The following KDM1B variants were observed in gnomAD, a reference collection of about 807,000 sequenced individuals.
KDM1B encodes the protein lysine-specific histone demethylase 2.
In KDM1B, 63 loss-of-function variants were observed where a neutral mutation model predicts 107.4. That is an observed-to-expected ratio of 0.59 (90% confidence interval 0.48 to 0.72). The LOEUF (loss-of-function observed/expected upper bound fraction) is 0.72, where lower values mean the gene tolerates loss of function less well. Ranked by LOEUF, KDM1B falls within the 30% of genes least tolerant of loss-of-function variation. The pLI, the probability that KDM1B is intolerant of heterozygous loss-of-function variation, is 0.00. For synonymous variants in KDM1B, 363 were observed against 363.9 expected (o/e 1.00, Z 0.03); for missense variants, 749 against 1,020.8 (o/e 0.73, Z 3.63).
At position 18,219,937 on chromosome 6, in the gene KDM1B, A is replaced by G. The variant is rs1582229112; in HGVS notation, c.2386-1972A>G. 2.0e-5 allele frequency among the ~76,000 whole-genome samples: 3 copies of G among 152,332 alleles called. No individual in the cohort carries two copies. The East Asian group carries it at 5.8e-4, about 29-fold the overall frequency. On this transcript the variant is annotated intron_variant, in intron 21 of 21. Transcript: ENST00000650836. ...TGCTTCGCCCTGATCTCTAAGTCAC[A>G]TCTCTGAGGAGTTGCAGCCGGTCAA...
In KDM1B at chr6:18,191,392, G is replaced by C. The variant is rs1394125631; in HGVS notation, c.969+11G>C. The stretch of plus-strand genomic sequence containing the variant: ...TATACTAACTGCAAAGTAAGTAAGG[G>C]CATGTTAGCCAATAGCACTGGACAG... On this transcript the variant is annotated intron_variant, in intron 10 of 21. Coordinates refer to ENST00000650836, the MANE Select transcript of KDM1B (RefSeq NM_001364614.2). The surrounding 1 kb of genome is among the most constrained non-coding windows in gnomAD (Gnocchi z 5.1). 6.5e-7 allele frequency: 1 copy of C among 1,549,396 alleles called. No individual in the cohort carries two copies. The highest frequency in any genetic ancestry group is 1.4e-5 in the African/African-American group (1 of 72,986).
At chr6:18,196,562 G>A (rs1263432044) in intron 10 of KDM1B, among the ~76,000 whole-genome samples, 1 of 152,086 alleles carries the variant, frequency 6.6e-6, no homozygotes, top group Admixed American at 6.6e-5. Flanking sequence ...TTTCCTTGAT[G>A]ATTAGTGATG....
At chr6:18,177,488 C>T (rs1028900756) in intron 7 of KDM1B, among the ~76,000 whole-genome samples, 1 of 150,620 alleles carries the variant, frequency 6.6e-6, no homozygotes, top group Non-Finnish European at 1.5e-5. Context: ...TATTTCCTTT[C>T]TTCTGCTGGG....
chr6:18,197,103 G>A lies in KDM1B; in HGVS notation c.1016G>A (p.Gly339Asp). Reference sequence around the variant, plus strand: ...TGTATTCCTCACATCATCGTCCGGGGTCTCGTGCGTATTCGATGCGTTCAG... The same window carrying A: ...TGTATTCCTCACATCATCGTCCGGGATCTCGTGCGTATTCGATGCGTTCAG... ...QKCIPHIIVR[G>D]LVRIRCVQEV... The change falls in exon 11 of 22, where the codon GGT (glycine) becomes GAT (aspartate). Residue 339 changes from glycine (G) to aspartate (D), a missense_variant. Transcript: ENST00000650836. The surrounding 1 kb of genome is among the most constrained non-coding windows in gnomAD (Gnocchi z 4.5). The A allele has an allele frequency of 6.2e-7, 1 of 1,613,966 alleles. No individual in the cohort carries two copies. Among genetic ancestry groups the A allele is most frequent in the Non-Finnish European group, 8.5e-7 (1 of 1,179,926 alleles).
At chr6:18,171,023 T>C (rs1456225507) in intron 6 of KDM1B, among the ~76,000 whole-genome samples, 6 of 152,022 alleles carry the variant, frequency 3.9e-5, no homozygotes, top group Admixed American at 3.9e-4. Flanking sequence ...GGTTTCACCG[T>C]GTTAGCCAGG....
intron 7 of KDM1B, among the ~76,000 whole-genome samples, chr6:18,177,981 A>G (rs73381316): frequency 0.019 from 2,956 of 152,206 alleles, 92 homozygotes; most frequent in African/African-American, 0.067. Context: ...GTCTCCCAAC[A>G]GTGTTTTCTA....
intron 10 of KDM1B, among the ~76,000 whole-genome samples, chr6:18,192,418 T>C (rs1421030784): frequency 6.6e-6 from 1 of 152,226 alleles, no homozygotes; most frequent in African/African-American, 2.4e-5. Context: ...GGCATTTCAC[T>C]GGATTAGAAT....
intron 9 of KDM1B, among the ~76,000 whole-genome samples, chr6:18,188,785 T>TA (rs972540636): frequency 4.0e-5 from 6 of 150,826 alleles, no homozygotes; most frequent in Non-Finnish European, 8.9e-5. Flanking sequence ...GGTTAATTTT[T>TA]TTTTTTTTTT....
chr6:18,177,721 T>C (rs1786119503), intron 7 of KDM1B, among the ~76,000 whole-genome samples: 1 of 151,982 alleles, frequency 6.6e-6, no homozygotes, highest in Non-Finnish European at 1.5e-5. Context: ...ACACCTGTTT[T>C]GTAAATATGG....
intron 5 of KDM1B, among the ~76,000 whole-genome samples, chr6:18,163,961 A>G (rs1039639624): frequency 6.4e-4 from 1 of 1,560 alleles, no homozygotes; most frequent in Non-Finnish European, 1.4e-3. Context: ...CAGGTCATAT[A>G]TATATATATA....
intron 7 of KDM1B, among the ~76,000 whole-genome samples, chr6:18,180,520 AT>A (rs1310191762): frequency 1.3e-5 from 2 of 152,180 alleles, no homozygotes; most frequent in Non-Finnish European, 2.9e-5. Flanking sequence ...ATTTTGGATG[AT>A]TTGTGTAATA....
chr6:18,208,309 G>T, intron 17 of KDM1B, 103 bp downstream of exon 17: 1 of 789,278 alleles, frequency 1.3e-6, no homozygotes, highest in Non-Finnish European at 2.1e-6. Context: ...TTGGGAATCT[G>T]CCTGGACCCT....
rs952201171 is a variant in KDM1B, at chr6:18,172,498, G to A, written c.534+1019G>A. On this transcript the variant is annotated intron_variant, in intron 7 of 21. Coordinates refer to ENST00000650836, the MANE Select transcript of KDM1B (RefSeq NM_001364614.2). This position sits in a 1 kb window ranked among gnomAD's most constrained non-coding sequence, Gnocchi z 5.2. ...TTTTTGAGCTCTGAGATGATGCTCA[G>A]AGGTTCTGCTCAAAGGAAATGTTCA... Among the ~76,000 whole-genome samples, 2 of 152,146 alleles carry A rather than the reference G, an allele frequency of 1.3e-5. No homozygotes were observed. Among genetic ancestry groups the A allele is most frequent in the African/African-American group, 4.8e-5 (2 of 41,434 alleles).
chr6:18,215,166 C>T (rs368248801), intron 20 of KDM1B, 37 bp downstream of exon 20: 56 of 1,596,962 alleles, frequency 3.5e-5, no homozygotes, highest in African/African-American at 1.1e-4. Context: ...AGGGGCAAGC[C>T]GTGCTTGCTA....
intron 16 of KDM1B, 60 bp downstream of exon 16, chr6:18,207,589 G>C: frequency 6.2e-7 from 1 of 1,602,946 alleles, no homozygotes; most frequent in Non-Finnish European, 8.5e-7. Flanking sequence ...GTGAAGTTCT[G>C]GGCATGCGGC....
intron 15 of KDM1B, among the ~76,000 whole-genome samples, chr6:18,206,851 A>G (rs1788409270): frequency 2.0e-5 from 3 of 152,158 alleles, no homozygotes; most frequent in Non-Finnish European, 4.4e-5. Context: ...TGGTCTGTTT[A>G]CCTTGTTAAA....
chr6:18,182,292 T>C (rs1786533981), intron 7 of KDM1B, among the ~76,000 whole-genome samples: 1 of 151,418 alleles, frequency 6.6e-6, no homozygotes, highest in Non-Finnish European at 1.5e-5. Context: ...ATGAATCGAT[T>C]ACTCTCCACA....
intron 10 of KDM1B, among the ~76,000 whole-genome samples, chr6:18,192,748 A>G (rs1358465968): frequency 5.9e-5 from 9 of 151,494 alleles, no homozygotes; most frequent in Admixed American, 5.9e-4. Flanking sequence ...CAAAAAAAAA[A>G]AAATACAACA....
In KDM1B at chr6:18,223,313, G is replaced by T. The variant is rs1789915301; in HGVS notation, c.*1321G>T. 6.6e-6 allele frequency: 1 copy of T among 151,820 alleles called. No individual in the cohort carries two copies. The highest frequency in any genetic ancestry group is 6.6e-5 in the Admixed American group (1 of 15,226). 9.4% of individuals were successfully genotyped at this position (151,820 alleles called of 1,614,324 possible). A position where few individuals can be genotyped will look rare whatever the true frequency, so the allele number is the denominator to read the frequency against. On this transcript the variant is annotated 3_prime_UTR_variant, in exon 22 of 22. Transcript: ENST00000650836. Reference sequence around the variant, plus strand: ...ACCAAGAATGTGCAGTGAACCTCAGGCATTTAAGACACCTCCCCCACCGCC... The same window carrying T: ...ACCAAGAATGTGCAGTGAACCTCAGTCATTTAAGACACCTCCCCCACCGCC...
Sources: allele counts gnomAD v4.1 joint callset (sites outside exome capture counted in the v4.1 genomes callset), GRCh38; gene constraint gnomAD v4.1.1; non-coding constraint Gnocchi (gnomAD v3.1); transcripts MANE v1.5; gene names NCBI Gene and HGNC (gene_info 2026-07-23, HGNC 2026-07-21).